Variants in DCAF12 observed in about 807,000 individuals in gnomAD.
DCAF12 encodes DDB1 and CUL4 associated factor 12, also known as DDB1- and CUL4-associated factor 12.
A neutral mutation model predicts 52.8 loss-of-function variants in DCAF12; 28 were observed. That is an observed-to-expected ratio of 0.53 (90% CI 0.39 to 0.73). The LOEUF (loss-of-function observed/expected upper bound fraction) is 0.73, where lower values mean the gene tolerates loss of function less well. DCAF12 is among the 30% of genes least tolerant of loss of function. DCAF12 has a pLI of 0.00. For synonymous variants in DCAF12, 196 were observed against 215.5 expected (o/e 0.91, Z 0.79); for missense variants, 425 against 552.2 (o/e 0.77, Z 2.31).
At chr9:34,094,570 G>C (rs1483852287) in intron 6 of DCAF12, among the ~76,000 whole-genome samples, 1 of 141,114 alleles carries the variant, frequency 7.1e-6, no homozygotes, top group Non-Finnish European at 1.5e-5. Flanking sequence ...TCGCACTGTC[G>C]CCCAGGCTGG....
intron 4 of DCAF12, among the ~76,000 whole-genome samples, chr9:34,099,720 A>G (rs1418544237): frequency 6.6e-6 from 1 of 150,588 alleles, no homozygotes; most frequent in African/African-American, 2.4e-5. Flanking sequence ...CAGCCTCCCG[A>G]GCAGTTGGGA....
rs1434415399 is a variant in DCAF12, at chr9:34,126,585, T to C, written c.-154A>G. On this transcript the variant is annotated 5_prime_UTR_variant, in exon 1 of 9. Transcript: ENST00000361264. ...ACCCGGAGCGGCAGCAGAAAAAAGA[T>C]AGGCGGAAAGAAAGGAAAGAGAGAG... 1.4e-5 allele frequency: 11 copies of C among 782,626 alleles called. No homozygotes were observed. The highest frequency in any genetic ancestry group is 2.2e-5 in the Non-Finnish European group (11 of 508,888). 48.5% of individuals were successfully genotyped at this position (782,626 alleles called of 1,614,324 possible).
At chr9:34,098,245 T>C (rs1051805929) in intron 5 of DCAF12, 79 bp downstream of exon 5, 2 of 1,441,740 alleles carry the variant, frequency 1.4e-6, no homozygotes, top group South Asian at 1.3e-5. Context: ...CAAGCACTGA[T>C]GGGGAAGGAA....
At chr9:34,111,302 G>A (rs1001133538) in intron 2 of DCAF12, among the ~76,000 whole-genome samples, 2 of 151,934 alleles carry the variant, frequency 1.3e-5, no homozygotes, top group African/African-American at 4.8e-5. Context: ...TCTTTTACCT[G>A]GCCAACATGT....
In DCAF12 at chr9:34,117,298, C is replaced by T. The variant is rs573204940; in HGVS notation, c.333+7725G>A. ...GATGGAGCTCAAAAAAAAAAGGTGC[C>T]CACCACCACGCCCGGCTAATTTTTT... On this transcript the variant is annotated intron_variant, in intron 2 of 8. Coordinates refer to ENST00000361264, the MANE Select transcript of DCAF12 (RefSeq NM_015397.4). Among the ~76,000 whole-genome samples, 5 of 150,566 alleles carry T rather than the reference C, an allele frequency of 3.3e-5. No individual in the cohort carries two copies. The East Asian group carries it at 9.8e-4, about 29-fold the overall frequency.
At chr9:34,092,427 C>A (rs55914521) in intron 7 of DCAF12, among the ~76,000 whole-genome samples, 13,791 of 152,140 alleles carry the variant, frequency 0.091, 904 homozygotes, top group Non-Finnish European at 0.13. Context: ...GTGGCTCACG[C>A]CTGTAATCTC....
intron 2 of DCAF12, among the ~76,000 whole-genome samples, chr9:34,110,356 C>T (rs180997848): frequency 1.3e-5 from 2 of 152,292 alleles, no homozygotes; most frequent in African/African-American, 4.8e-5. Flanking sequence ...TCATCCTAGT[C>T]CTGCCTAACC....
chr9:34,118,697 G>C (rs1359159532), intron 2 of DCAF12, among the ~76,000 whole-genome samples: 1 of 151,508 alleles, frequency 6.6e-6, no homozygotes, highest in Non-Finnish European at 1.5e-5. Flanking sequence ...GGCGTGGTGG[G>C]TCATGCATAT....
intron 7 of DCAF12, chr9:34,089,859 CT>C: frequency 6.0e-6 from 2 of 333,102 alleles, no homozygotes; most frequent in South Asian, 7.9e-5. Flanking sequence ...GCTCAAGATG[CT>C]TTTGGCCGAA....
At chr9:34,116,590 G>T (rs940139138) in intron 2 of DCAF12, among the ~76,000 whole-genome samples, 4 of 152,022 alleles carry the variant, frequency 2.6e-5, no homozygotes, top group African/African-American at 9.7e-5. Flanking sequence ...CAGGAGAATC[G>T]CCTGAACTCA....
At chr9:34,120,319 G>A (rs1046728342) in intron 2 of DCAF12, among the ~76,000 whole-genome samples, 1 of 150,430 alleles carries the variant, frequency 6.6e-6, no homozygotes, top group Admixed American at 6.7e-5. Flanking sequence ...ATTTGAAGCT[G>A]CAGTGAGCCA....
intron 6 of DCAF12, among the ~76,000 whole-genome samples, chr9:34,095,082 G>C (rs1828714002): frequency 7.4e-6 from 1 of 135,468 alleles, no homozygotes; most frequent in African/African-American, 2.8e-5. Flanking sequence ...GACTTTGGAG[G>C]CTTTTTTTTT....
At chr9:34,099,410 T>C (rs1471062188) in intron 4 of DCAF12, among the ~76,000 whole-genome samples, 1 of 151,816 alleles carries the variant, frequency 6.6e-6, no homozygotes, top group Non-Finnish European at 1.5e-5. Context: ...TTTTGTATTT[T>C]TAGTAGAGAT....
Position 34,086,552 on chromosome 9 carries a change from T to A in DCAF12, c.*1798A>T, listed in dbSNP as rs1303092805. The A allele has an allele frequency of 6.6e-6, 1 of 152,114 alleles. No individual in the cohort carries two copies. Among genetic ancestry groups the A allele is most frequent in the Non-Finnish European group, 1.5e-5 (1 of 68,016 alleles). The allele number at this position is 152,114 out of a possible 1,614,324, so 9.4% of individuals were successfully genotyped here. A position where few individuals can be genotyped will look rare whatever the true frequency, so the allele number is the denominator to read the frequency against. On this transcript the variant is annotated 3_prime_UTR_variant, in exon 9 of 9. Transcript: ENST00000361264. ...TTTTTTTTTAAATATACAAGTCAGT[T>A]TAAAATGATAGAAGTTCTGTGAGAA... is the stretch of plus-strand genomic sequence containing the variant.
chr9:34,096,844 C>T, intron 5 of DCAF12, 63 bp from the exon 6 acceptor site: 2 of 1,486,476 alleles, frequency 1.3e-6, no homozygotes, highest in Non-Finnish European at 1.9e-6. Context: ...CGATAATAAG[C>T]AGGCGAGGAT....
At chr9:34,114,483 A>T (rs1355662069) in intron 2 of DCAF12, among the ~76,000 whole-genome samples, 1 of 152,128 alleles carries the variant, frequency 6.6e-6, no homozygotes, top group Non-Finnish European at 1.5e-5. Flanking sequence ...GAACCACTTG[A>T]AGGATAGAGC....
At chr9:34,108,039 G>A (rs1445610187) in intron 2 of DCAF12, among the ~76,000 whole-genome samples, 1 of 152,110 alleles carries the variant, frequency 6.6e-6, no homozygotes, top group Admixed American at 6.6e-5. Context: ...AGAGACATAC[G>A]ACAAGGAAGA....
intron 5 of DCAF12, among the ~76,000 whole-genome samples, chr9:34,097,924 A>G (rs1010316717): frequency 1.5e-4 from 22 of 150,702 alleles, no homozygotes; most frequent in African/African-American, 5.1e-4. Context: ...CAGGAGCAAA[A>G]CACAGTCTCA....
rs148683837 is a variant in DCAF12 at position 34,115,875 on chromosome 9, C to T, written c.334-8310G>A. ...TACAGACATAAGCCATCAAGCCTTGCCACTACATACCTTTAACGGCGATAA... is the reference window on the plus strand; with the variant it reads ...TACAGACATAAGCCATCAAGCCTTGTCACTACATACCTTTAACGGCGATAA... On this transcript the variant is annotated intron_variant, in intron 2 of 8. Coordinates refer to ENST00000361264, the MANE Select transcript of DCAF12 (RefSeq NM_015397.4). Among the ~76,000 whole-genome samples, 44 of 152,242 alleles carry T rather than the reference C, an allele frequency of 2.9e-4. No individual in the cohort carries two copies. In the East Asian group the frequency reaches 3.3e-3, roughly 11 times the overall value.
Sources: allele counts gnomAD v4.1 joint callset (sites outside exome capture counted in the v4.1 genomes callset), GRCh38; gene constraint gnomAD v4.1.1; transcripts MANE v1.5; gene names NCBI Gene and HGNC (gene_info 2026-07-23, HGNC 2026-07-21).